TET1: variants seen among roughly 807,000 people sequenced by gnomAD.
TET1 encodes tet methylcytosine dioxygenase 1.
TET1 carries 13 observed loss-of-function variants against 148.7 expected under a neutral mutation model. That is an observed-to-expected ratio of 0.09 (90% confidence interval 0.06 to 0.14). TET1 has a LOEUF of 0.14. Among genes scored for constraint, TET1 ranks in the 10% least tolerant of loss-of-function variants. TET1 has a pLI of 1.00. For missense variants in TET1, 2,182 were observed against 2,553.8 expected (o/e 0.85, Z 3.14); for synonymous variants, 907 against 937.2 (o/e 0.97, Z 0.59).
At chr10:68,622,214 CTT>C (rs2054385058) in intron 3 of TET1, among the ~76,000 whole-genome samples, 16 of 102,858 alleles carry the variant, frequency 1.6e-4, no homozygotes, top group South Asian at 3.4e-4. Flanking sequence ...TCCTTCCTTC[CTT>C]CCTTCCCTCC....
At chr10:68,596,613 T>C (rs1490155340) in intron 2 of TET1, among the ~76,000 whole-genome samples, 1 of 152,038 alleles carries the variant, frequency 6.6e-6, no homozygotes, top group Non-Finnish European at 1.5e-5. Context: ...CTGACTATTC[T>C]CTCCCATCAA....
chr10:68,638,820 G>A (rs945505392), intron 3 of TET1, among the ~76,000 whole-genome samples: 2 of 149,358 alleles, frequency 1.3e-5, no homozygotes, highest in African/African-American at 4.9e-5. Context: ...TGGTGGAGGG[G>A]CTATAGTCAG....
At chr10:68,565,475 A>AAAAAAAAAAT (rs1388182777) in intron 1 of TET1, among the ~76,000 whole-genome samples, 5 of 129,228 alleles carry the variant, frequency 3.9e-5, no homozygotes, top group Non-Finnish European at 8.1e-5. Flanking sequence ...AAAAAAAAAA[A>AAAAAAAAAAT]ATATATATAT....
At chr10:68,589,290 T>G (rs2053893078) in intron 2 of TET1, among the ~76,000 whole-genome samples, 1 of 152,036 alleles carries the variant, frequency 6.6e-6, no homozygotes, top group African/African-American at 2.4e-5. Flanking sequence ...AGCAGGAGGT[T>G]TCTCCCAGAT....
In TET1 at chr10:68,573,936, T is replaced by A. The variant is rs946395830; in HGVS notation, c.1598T>A (p.Leu533His). The A allele has an allele frequency of 1.2e-6, 2 of 1,613,984 alleles. No homozygotes were observed. The highest frequency in any genetic ancestry group is 2.7e-5 in the African/African-American group (2 of 74,890). Reference protein sequence around the residue: ...LFHASLGIAQLSQAGPSKSDR... With the variant: ...LFHASLGIAQHSQAGPSKSDR... ...CATGCTTCACTGGGTATAGCCCAAC[T>A]CTCTCAGGCTGGTCCTAGCAAATCA... Residue 533 changes from leucine to histidine, a missense_variant, in exon 2 of 12, where the codon CTC becomes CAC. Around this residue, in one of 11 missense-constraint regions of TET1, gnomAD observed 665 missense variants for 672.4 expected, o/e 0.99. Coordinates refer to ENST00000373644, the MANE Select transcript of TET1 (RefSeq NM_030625.3).
At chr10:68,689,778 C>A (rs1490629617) in intron 11 of TET1, among the ~76,000 whole-genome samples, 26 of 146,032 alleles carry the variant, frequency 1.8e-4, no homozygotes, top group South Asian at 4.3e-4. Context: ...GACTCCATCT[C>A]AAAAAAAAAA....
chr10:68,596,153 C>T (rs1589061876), intron 2 of TET1, among the ~76,000 whole-genome samples: 1 of 150,294 alleles, frequency 6.7e-6, no homozygotes, highest in Admixed American at 6.7e-5. Flanking sequence ...ATTCTCCTGC[C>T]TCAGGCTCCT....
rs760076374 is a variant in TET1 at position 68,573,140 on chromosome 10, A to G, written c.802A>G (p.Ile268Val). ...AGTTACCTCTCAAGGAAACCCCAGC[A>G]TTCAGTTAGAAGAGTTGGGTTCACG... ...PKVTSQGNPS[I>V]QLEELGSRVE... The change falls in exon 2 of 12, where the codon ATT (isoleucine) becomes GTT (valine). Residue 268 changes from isoleucine (I) to valine (V), a missense_variant. This residue lies in a region of TET1 where 665 missense variants were observed against 672.4 expected (regional missense o/e 0.99). Coordinates refer to ENST00000373644, the MANE Select transcript of TET1 (RefSeq NM_030625.3). The G allele has an allele frequency of 1.9e-6, 3 of 1,614,046 alleles. No individual in the cohort carries two copies. The highest frequency in any genetic ancestry group is 2.5e-6 in the Non-Finnish European group (3 of 1,180,024).
At chr10:68,685,215 G>A (rs1425692238) in intron 10 of TET1, among the ~76,000 whole-genome samples, 1 of 152,100 alleles carries the variant, frequency 6.6e-6, no homozygotes, top group East Asian at 1.9e-4. Context: ...TTATATTTTA[G>A]ACTTTGCTGA....
intron 2 of TET1, among the ~76,000 whole-genome samples, chr10:68,580,549 G>A (rs960421045): frequency 2.0e-5 from 3 of 150,304 alleles, no homozygotes; most frequent in African/African-American, 7.3e-5. Context: ...GGAGGCCAAG[G>A]AAGGTAGATC....
intron 3 of TET1, among the ~76,000 whole-genome samples, chr10:68,640,752 C>A (rs1021469377): frequency 6.6e-5 from 10 of 150,808 alleles, no homozygotes; most frequent in Admixed American, 5.3e-4. Flanking sequence ...GGGATTTCAC[C>A]ATGTTAGCCA....
chr10:68,560,454 C>A lies in TET1; in HGVS notation c.-411C>A, dbSNP rs1009862120. Among the ~76,000 whole-genome samples, 3 of 152,214 alleles carry A rather than the reference C, an allele frequency of 2.0e-5. No homozygotes were observed. The highest frequency in any genetic ancestry group is 4.4e-5 in the Non-Finnish European group (3 of 68,028). On this transcript the variant is annotated 5_prime_UTR_variant, in exon 1 of 12. Coordinates refer to ENST00000373644, the MANE Select transcript of TET1 (RefSeq NM_030625.3). The stretch of plus-strand genomic sequence containing the variant: ...GCGCGCAGCCGCTGGCCCCTCTACT[C>A]CCGGGTCTGCCCCCCGGGACACCCC...
intron 2 of TET1, among the ~76,000 whole-genome samples, chr10:68,586,628 C>A (rs2053865474): frequency 6.6e-6 from 1 of 150,864 alleles, no homozygotes; most frequent in African/African-American, 2.4e-5. Context: ...GCACTGTGCC[C>A]AGCCTCACAT....
intron 4 of TET1, among the ~76,000 whole-genome samples, chr10:68,651,188 T>A (rs2054926691): frequency 6.6e-6 from 1 of 152,162 alleles, no homozygotes; most frequent in African/African-American, 2.4e-5. Context: ...GAATAAATTG[T>A]CTGCAATGAA....
At chr10:68,615,356 C>CTTTTCTTTTTTTTTTTT (rs138957422) in intron 3 of TET1, among the ~76,000 whole-genome samples, 9 of 145,274 alleles carry the variant, frequency 6.2e-5, no homozygotes, top group Admixed American at 1.4e-4. Flanking sequence ...CTTTTCTTTT[C>CTTTTCTTTTTTTTTTTT]TTTTTTTGAG....
intron 3 of TET1, among the ~76,000 whole-genome samples, chr10:68,620,334 ACCCCAG>A (rs1381874069): frequency 6.6e-6 from 1 of 152,004 alleles, no homozygotes; most frequent in African/African-American, 2.4e-5. Flanking sequence ...CCTTCCATTT[ACCCCAG>A]CCCTTGGCAA....
intron 3 of TET1, among the ~76,000 whole-genome samples, chr10:68,626,394 C>A (rs2054482950): frequency 6.6e-6 from 1 of 151,854 alleles, no homozygotes; most frequent in African/African-American, 2.4e-5. Flanking sequence ...AGATACAGAG[C>A]CTCTCTATGT....
intron 2 of TET1, among the ~76,000 whole-genome samples, chr10:68,594,029 G>A (rs1295186186): frequency 2.1e-5 from 3 of 140,352 alleles, no homozygotes; most frequent in South Asian, 2.4e-4. Flanking sequence ...GGGTTCAAGC[G>A]ATTCTCCTGC....
chr10:68,620,529 A>G (rs1489537753), intron 3 of TET1, among the ~76,000 whole-genome samples: 1 of 152,144 alleles, frequency 6.6e-6, no homozygotes. Flanking sequence ...TATTATGTAT[A>G]TAGCTCATTT....
Sources: gnomAD v4.1 joint callset for allele counts (sites outside exome capture counted in the v4.1 genomes callset) on GRCh38, gnomAD v4.1.1 for gene constraint, gnomAD v4.1.1 regional missense constraint, MANE v1.5 for transcripts, NCBI Gene and HGNC (gene_info 2026-07-23, HGNC 2026-07-21) for gene names.